Variants in PANK1 observed in about 807,000 individuals in gnomAD.
PANK1 encodes pantothenate kinase 1, also known as pantothenic acid kinase 1.
In PANK1, 18 loss-of-function variants were observed where a neutral mutation model predicts 40.1. The observed-to-expected ratio is 0.45, with a 90% CI of 0.31 to 0.67. PANK1 has a LOEUF of 0.67. PANK1 is among the 30% of genes least tolerant of loss of function. PANK1 has a pLI of 0.06. For missense variants in PANK1, 457 were observed against 599.6 expected (o/e 0.76, Z 2.48); for synonymous variants, 242 against 237.7 (o/e 1.02, Z -0.17).
intron 2 of PANK1, among the ~76,000 whole-genome samples, chr10:89,600,672 G>A (rs1844750877): frequency 6.6e-6 from 1 of 152,132 alleles, no homozygotes; most frequent in African/African-American, 2.4e-5. Flanking sequence ...GGAATGACCT[G>A]GCTGAGGGCT....
At chr10:89,617,871 G>A (rs1172138613) in intron 1 of PANK1, among the ~76,000 whole-genome samples, 1 of 152,132 alleles carries the variant, frequency 6.6e-6, no homozygotes, top group Non-Finnish European at 1.5e-5. Flanking sequence ...AAAAATAATT[G>A]TACTGCCAAA....
intron 2 of PANK1, among the ~76,000 whole-genome samples, chr10:89,606,555 ACT>A (rs923341694): frequency 5.8e-4 from 88 of 151,936 alleles, no homozygotes; most frequent in African/African-American, 2.0e-3. Flanking sequence ...ACAGGGTATC[ACT>A]CTGTCACCCA....
intron 1 of PANK1, among the ~76,000 whole-genome samples, chr10:89,612,404 T>A (rs1564628138): frequency 6.6e-6 from 1 of 152,158 alleles, no homozygotes. Flanking sequence ...ATATATATAT[T>A]TTTGCATACA....
chr10:89,590,939 T>C (rs796866669), intron 5 of PANK1, among the ~76,000 whole-genome samples: 22 of 152,220 alleles, frequency 1.4e-4, no homozygotes, highest in African/African-American at 5.3e-4. Context: ...GAAGAAAATA[T>C]AGAGAAAGCA....
intron 1 of PANK1, among the ~76,000 whole-genome samples, chr10:89,623,211 T>C (rs1845552832): frequency 6.6e-6 from 1 of 152,090 alleles, no homozygotes; most frequent in African/African-American, 2.4e-5. Context: ...ACTTTTCTTA[T>C]TTTTTTGTTT....
intron 1 of PANK1, among the ~76,000 whole-genome samples, chr10:89,619,237 C>A (rs1282749481): frequency 6.6e-6 from 1 of 152,088 alleles, no homozygotes; most frequent in Non-Finnish European, 1.5e-5. Context: ...ACTTTATTGG[C>A]AGTTGATGTT....
chr10:89,630,838 T>C (rs922156223), intron 1 of PANK1, among the ~76,000 whole-genome samples: 3 of 150,692 alleles, frequency 2.0e-5, no homozygotes, highest in African/African-American at 7.3e-5. Flanking sequence ...TAAAAAAAAA[T>C]TAAGATTTTT....
At chr10:89,591,752 G>A (rs1023991350) in intron 5 of PANK1, among the ~76,000 whole-genome samples, 6 of 152,168 alleles carry the variant, frequency 3.9e-5, no homozygotes, top group Admixed American at 1.3e-4. Context: ...ATTGGCACTC[G>A]CTCTACTCCA....
chr10:89,581,972 C>T (rs1844060470), downstream of PANK1: 1 of 152,188 alleles, frequency 6.6e-6, no homozygotes, highest in Non-Finnish European at 1.5e-5. Context: ...GGGTTTCCCA[C>T]AATCCAGAAA....
intron 3 of PANK1, among the ~76,000 whole-genome samples, chr10:89,598,276 G>A (rs1254315229): frequency 6.6e-6 from 1 of 152,176 alleles, no homozygotes; most frequent in Admixed American, 6.5e-5. Context: ...CCTCCTAATG[G>A]GTGAGTAGTC....
At chr10:89,594,107 T>A in intron 3 of PANK1, 118 bp from the exon 4 acceptor site, 1 of 671,842 alleles carries the variant, frequency 1.5e-6, no homozygotes, top group East Asian at 2.7e-5. Context: ...AAGGGGCACT[T>A]GAATTAAAGT....
At chr10:89,593,425 A>C in intron 4 of PANK1, 105 bp from the exon 5 acceptor site, 1 of 1,300,082 alleles carries the variant, frequency 7.7e-7, no homozygotes, top group South Asian at 1.4e-5. Context: ...TTCAAACTCA[A>C]GTGATCCAAT....
chr10:89,623,102 T>A (rs1845547382), intron 1 of PANK1, among the ~76,000 whole-genome samples: 1 of 152,188 alleles, frequency 6.6e-6, no homozygotes, highest in Non-Finnish European at 1.5e-5. Context: ...AAATGGCTAT[T>A]TGGACACACA....
At position 89,643,872 on chromosome 10, in the gene PANK1, G is replaced by A; in HGVS notation, c.292+728C>T. 4.8e-6 allele frequency: 7 copies of A among 1,453,190 alleles called. No homozygotes were observed. In the South Asian group the frequency reaches 1.0e-4, roughly 22 times the overall value. The allele number at this position is 1,453,190 out of a possible 1,614,324, so 90.0% of individuals were successfully genotyped here. On this transcript the variant is annotated intron_variant, in intron 1 of 6. Transcript: ENST00000307534. ...CCATTATATATACAAGCTTTAGATT[G>A]TGAAATAATGCACTTCGGCTTTCTC...
chr10:89,636,316 GTTATTATTA>G (rs140062854), intron 1 of PANK1, among the ~76,000 whole-genome samples: 12 of 63,938 alleles, frequency 1.9e-4, no homozygotes, highest in Non-Finnish European at 3.3e-4. Context: ...TGCATCCACA[GTTATTATTA>G]TTATTATTAT....
intron 2 of PANK1, among the ~76,000 whole-genome samples, chr10:89,610,989 A>AC (rs1845135006): frequency 6.6e-6 from 1 of 151,988 alleles, no homozygotes; most frequent in Non-Finnish European, 1.5e-5. Context: ...GGAATGCTAA[A>AC]AAAAAAAGAG....
downstream of PANK1, chr10:89,582,058 A>C (rs1412334867): frequency 3.3e-5 from 5 of 152,184 alleles, no homozygotes; most frequent in Non-Finnish European, 5.9e-5. Flanking sequence ...TGAAGCATTT[A>C]CTTTGTGTCA....
At chr10:89,593,468 A>G (rs1002197704) in intron 4 of PANK1, 148 bp from the exon 5 acceptor site, 2 of 868,506 alleles carry the variant, frequency 2.3e-6, no homozygotes, top group Non-Finnish European at 3.5e-6. Flanking sequence ...AGACAGAATT[A>G]TAGTATGCAT....
chr10:89,611,881 C>T lies in PANK1; in HGVS notation c.460G>A (p.Val154Ile), dbSNP rs201363406. 33 of 1,614,034 alleles carry T rather than the reference C, an allele frequency of 2.0e-5. 1 individual carries two copies. The East Asian group carries it at 2.5e-4, about 12-fold the overall frequency. Residue 154 changes from valine (V) to isoleucine (I), a missense_variant, in exon 2 of 7, where the codon GTC (valine) becomes ATC (isoleucine). Val to Ile is a conservative substitution (Grantham distance 29, BLOSUM62 3). Around this residue, in one of 4 missense-constraint regions of PANK1, gnomAD observed 286 missense variants for 415.8 expected, o/e 0.69. Coordinates refer to ENST00000307534, the MANE Select transcript of PANK1 (RefSeq NM_148977.3). ...TAYGKTGIRD[V>I]HLELKNLTMC... Reference sequence around the variant, plus strand: ...GTCAGGTTTTTCAGTTCCAGGTGGACGTCTCGGATCCCAGTTTTCCCATAA... The same window carrying T: ...GTCAGGTTTTTCAGTTCCAGGTGGATGTCTCGGATCCCAGTTTTCCCATAA...
Sources: gnomAD v4.1 joint callset for allele counts (sites outside exome capture counted in the v4.1 genomes callset) on GRCh38, gnomAD v4.1.1 for gene constraint, gnomAD v4.1.1 regional missense constraint, MANE v1.5 for transcripts, NCBI Gene and HGNC (gene_info 2026-07-23, HGNC 2026-07-21) for gene names.